Variants in SPATA1 observed in about 807,000 individuals in gnomAD.
SPATA1 encodes the protein spermatogenesis-associated protein 1.
SPATA1 carries 57 observed loss-of-function variants against 59.6 expected under a neutral mutation model. The observed-to-expected ratio is 0.96, with a 90% CI of 0.77 to 1.19. The LOEUF (loss-of-function observed/expected upper bound fraction) is 1.19. Among genes scored for constraint, SPATA1 ranks in the 50% most tolerant of loss-of-function variants. The pLI is 0.00. For synonymous variants in SPATA1, 147 were observed against 163.9 expected (o/e 0.90, Z 0.79); for missense variants, 448 against 480.7 (o/e 0.93, Z 0.64).
At chr1:84,539,689 A>G (rs1683837813) in intron 8 of SPATA1, among the ~76,000 whole-genome samples, 1 of 152,140 alleles carries the variant, frequency 6.6e-6, no homozygotes, top group Admixed American at 6.5e-5. Flanking sequence ...TATGCTCTGG[A>G]AGATAGTCCT....
At chr1:84,526,385 A>T (rs1683224291) in intron 6 of SPATA1, among the ~76,000 whole-genome samples, 1 of 152,230 alleles carries the variant, frequency 6.6e-6, no homozygotes, top group African/African-American at 2.4e-5. Flanking sequence ...AAGAGAAAGG[A>T]AAGGTGACTG....
rs932047814 is a variant in SPATA1, at chr1:84,552,851, G to A, written c.1225-184G>A. 4 of 513,910 alleles carry A rather than the reference G, an allele frequency of 7.8e-6. No individual in the cohort carries two copies. The Admixed American group carries it at 1.2e-4, about 15-fold the overall frequency. The allele number at this position is 513,910 out of a possible 1,614,324, so 31.8% of individuals were successfully genotyped here. On this transcript the variant is annotated intron_variant, in intron 12 of 12. Coordinates refer to ENST00000490879, the Ensembl canonical transcript of SPATA1. ...GCATATCTCACCAGTAGATAAGCAT[G>A]CTTATTAAACAGCATTCATAATCTA...
intron 12 of SPATA1, chr1:84,550,818 T>G: frequency 9.9e-7 from 1 of 1,008,978 alleles, no homozygotes. Flanking sequence ...AAAAAAAATT[T>G]TAAGTAGTTT....
chr1:84,511,506 C>CT (rs1342520848), intron 1 of SPATA1, among the ~76,000 whole-genome samples: 4 of 151,754 alleles, frequency 2.6e-5, no homozygotes, highest in South Asian at 4.1e-4. Flanking sequence ...CTCTAGAAGT[C>CT]TAACTACTAT....
chr1:84,508,370 G>A (rs1248138777), intron 1 of SPATA1, among the ~76,000 whole-genome samples: 1 of 151,802 alleles, frequency 6.6e-6, no homozygotes, highest in African/African-American at 2.4e-5. Context: ...TGAACTATCT[G>A]TATCTCTTAA....
chr1:84,545,927 A>T (rs1186028316), intron 10 of SPATA1, among the ~76,000 whole-genome samples, 168 bp downstream of exon 10: 1 of 152,178 alleles, frequency 6.6e-6, no homozygotes, highest in Non-Finnish European at 1.5e-5. Flanking sequence ...TTATTATGCA[A>T]CTCTACTTTA....
downstream of SPATA1, among the ~76,000 whole-genome samples, chr1:84,566,415 T>C (rs1317891410): frequency 6.6e-6 from 1 of 152,182 alleles, no homozygotes; most frequent in Non-Finnish European, 1.5e-5. Flanking sequence ...TTTAAAATAT[T>C]GTGCAGGTTA....
chr1:84,563,314 A>G, intron 4 of SPATA1: 4 of 1,595,380 alleles, frequency 2.5e-6, no homozygotes, highest in Non-Finnish European at 3.4e-6. Context: ...CAGAAATAGA[A>G]CTATTTATTT....
chr1:84,524,601 A>C (rs1683146032), intron 4 of SPATA1, among the ~76,000 whole-genome samples: 1 of 152,188 alleles, frequency 6.6e-6, no homozygotes, highest in African/African-American at 2.4e-5. Context: ...AGCTAAAAAA[A>C]TCTTCCTTTG....
At chr1:84,557,766 G>A (rs1270474138), downstream of SPATA1, among the ~76,000 whole-genome samples, 2 of 150,484 alleles carry the variant, frequency 1.3e-5, no homozygotes, top group Non-Finnish European at 3.0e-5. Context: ...GCTAAGGCAG[G>A]AGAATGGCGT....
downstream of SPATA1, among the ~76,000 whole-genome samples, chr1:84,557,404 A>C (rs1023041833): frequency 1.3e-5 from 2 of 151,838 alleles, no homozygotes; most frequent in African/African-American, 4.8e-5. Context: ...GTGGTGATGC[A>C]TGCCTGTAAT....
chr1:84,538,701 A>G (rs1683802880), intron 8 of SPATA1, among the ~76,000 whole-genome samples: 1 of 152,184 alleles, frequency 6.6e-6, no homozygotes, highest in South Asian at 2.1e-4. Context: ...ACTGAATCAG[A>G]AGCCTGCCAA....
intron 4 of SPATA1, 126 bp from the exon 5 acceptor site, chr1:84,525,570 C>A: frequency 3.0e-6 from 2 of 670,802 alleles, no homozygotes; most frequent in Non-Finnish European, 2.5e-6. Context: ...AGAATCTAGC[C>A]ATAGCTTTTA....
At chr1:84,525,965 A>G (rs762092187) in exon 6 of SPATA1, 1 of 1,613,792 alleles carries the variant, frequency 6.2e-7, no homozygotes, top group Non-Finnish European at 8.5e-7. Context: ...GGCTGATGGA[A>G]CAATCCACAG....
At position 84,518,100 on chromosome 1, in the gene SPATA1, A is replaced by G. The variant is rs185656094; in HGVS notation, c.36+1705A>G. On this transcript the variant is annotated intron_variant, in intron 2 of 12. Transcript: ENST00000490879. Reference sequence around the variant, plus strand: ...ACCTTAGAGATAATGAAGTATATTCAGAATGTAGAACATTCTATAAGACAA... The same window carrying G: ...ACCTTAGAGATAATGAAGTATATTCGGAATGTAGAACATTCTATAAGACAA... Among the ~76,000 whole-genome samples, 550 of 152,268 alleles carry G rather than the reference A, an allele frequency of 3.6e-3. 3 individuals carry two copies. Among genetic ancestry groups the G allele is most frequent in the Non-Finnish European group, 6.6e-3 (448 of 67,982 alleles).
chr1:84,526,499 T>C (rs1471919659), intron 6 of SPATA1, among the ~76,000 whole-genome samples: 1 of 152,174 alleles, frequency 6.6e-6, no homozygotes, highest in Non-Finnish European at 1.5e-5. Context: ...GGAACATACG[T>C]ATTTCAGAGA....
chr1:84,544,109 C>A, intron 8 of SPATA1, 93 bp from the exon 9 acceptor site: 1 of 781,418 alleles, frequency 1.3e-6, no homozygotes, highest in Non-Finnish European at 2.1e-6. Context: ...AAAAAGAATG[C>A]ATTTCTGGTT....
chr1:84,557,533 CAAAAAAAAAAA>C (rs56101174), downstream of SPATA1, among the ~76,000 whole-genome samples: 2 of 55,438 alleles, frequency 3.6e-5, no homozygotes, highest in Non-Finnish European at 7.1e-5. Context: ...AACTCCATCT[CAAAAAAAAAAA>C]AAAAAAAAAG....
intron 1 of SPATA1, chr1:84,506,917 C>T (rs1682283030): frequency 6.6e-6 from 1 of 152,242 alleles, no homozygotes; most frequent in South Asian, 2.1e-4. Flanking sequence ...AAGATTACAC[C>T]TGTCTGCTCG....
Sources: allele counts gnomAD v4.1 joint callset (sites outside exome capture counted in the v4.1 genomes callset), GRCh38; gene constraint gnomAD v4.1.1; transcripts MANE v1.5; gene names NCBI Gene and HGNC (gene_info 2026-07-23, HGNC 2026-07-21).